The following DLGAP2 variants were observed in gnomAD, a reference collection of about 807,000 sequenced individuals.
DLGAP2 encodes DLG associated protein 2, also known as disks large-associated protein 2.
In DLGAP2, 26 loss-of-function variants were observed where a neutral mutation model predicts 100.3. The observed-to-expected ratio is 0.26, with a 90% confidence interval of 0.19 to 0.36. DLGAP2 has a LOEUF of 0.36. DLGAP2 is among the 10% of genes least tolerant of loss of function. The probability of loss-of-function intolerance (pLI) is 1.00; values close to 1 mark genes in which losing one functional copy is unlikely to be tolerated. For synonymous variants in DLGAP2, 886 were observed against 630.1 expected, an observed-to-expected ratio of 1.41 and a Z score of -6.08; for missense variants, 1,858 against 1,453.2, an observed-to-expected ratio of 1.28 and a Z score of -4.53.
At chr8:1,493,120 G>A (rs1799440072) in intron 3 of DLGAP2, among the ~76,000 whole-genome samples, 1 of 152,244 alleles carries the variant, frequency 6.6e-6, no homozygotes, top group Non-Finnish European at 1.5e-5. Flanking sequence ...CTCAAGCTGT[G>A]CAGGTAGAAC....
intron 2 of DLGAP2, among the ~76,000 whole-genome samples, chr8:1,068,280 G>C (rs757349834): frequency 1.3e-5 from 2 of 152,202 alleles, no homozygotes; most frequent in African/African-American, 4.8e-5. Flanking sequence ...GCAGGCTTTC[G>C]TGTGGATGTA....
chr8:862,668 C>G (rs551849633), intron 1 of DLGAP2, among the ~76,000 whole-genome samples: 1 of 152,254 alleles, frequency 6.6e-6, no homozygotes, highest in South Asian at 2.1e-4. Flanking sequence ...CCTCAGTTTT[C>G]TCACCTGTGA....
intron 4 of DLGAP2, among the ~76,000 whole-genome samples, chr8:1,529,686 T>A (rs1190109895): frequency 5.9e-5 from 9 of 152,124 alleles, no homozygotes; most frequent in Admixed American, 5.9e-4. Flanking sequence ...TGTGAAAAAA[T>A]GGCAAATAAT....
chr8:1,273,208 C>G (rs1563054996), intron 3 of DLGAP2, among the ~76,000 whole-genome samples: 2 of 152,320 alleles, frequency 1.3e-5, no homozygotes, highest in Non-Finnish European at 2.9e-5. Flanking sequence ...GGGGCCCTCC[C>G]ACCAGCCACA....
intron 6 of DLGAP2, among the ~76,000 whole-genome samples, chr8:1,570,329 C>T (rs1261967092): frequency 5.3e-5 from 8 of 152,224 alleles, no homozygotes; most frequent in South Asian, 2.1e-4. Flanking sequence ...ACCATGATGT[C>T]GTCTCTGCAT....
At chr8:1,114,360 C>T (rs2129046414) in intron 2 of DLGAP2, among the ~76,000 whole-genome samples, 2 of 152,192 alleles carry the variant, frequency 1.3e-5, no homozygotes, top group African/African-American at 4.8e-5. Flanking sequence ...CTATTCATTA[C>T]TGATTCAATT....
intron 1 of DLGAP2, among the ~76,000 whole-genome samples, chr8:770,318 C>G (rs763889809): frequency 6.6e-6 from 1 of 152,118 alleles, no homozygotes; most frequent in Non-Finnish European, 1.5e-5. Flanking sequence ...TGCTCCTCCT[C>G]CGTGTCCTCC....
At chr8:1,508,708 C>T (rs1302564598) in intron 4 of DLGAP2, among the ~76,000 whole-genome samples, 3 of 150,338 alleles carry the variant, frequency 2.0e-5, no homozygotes, top group Non-Finnish European at 4.4e-5. Flanking sequence ...TCCACAACTG[C>T]TGCGCACAGG....
At chr8:1,273,212 A>C (rs1799617155) in intron 3 of DLGAP2, among the ~76,000 whole-genome samples, 1 of 152,210 alleles carries the variant, frequency 6.6e-6, no homozygotes, top group South Asian at 2.1e-4. Flanking sequence ...CCCTCCCACC[A>C]GCCACAAACA....
At chr8:818,624 C>G (rs1796529641) in intron 1 of DLGAP2, among the ~76,000 whole-genome samples, 1 of 152,176 alleles carries the variant, frequency 6.6e-6, no homozygotes, top group African/African-American at 2.4e-5. Flanking sequence ...CGAGTGGGAG[C>G]TGCAAGTTAG....
At chr8:1,232,481 C>T (rs1283381833) in intron 2 of DLGAP2, among the ~76,000 whole-genome samples, 1 of 152,216 alleles carries the variant, frequency 6.6e-6, no homozygotes, top group Admixed American at 6.5e-5. Context: ...AGGATGCCTC[C>T]TCCGTCTCGA....
At chr8:1,099,472 G>A (rs934113207) in intron 2 of DLGAP2, among the ~76,000 whole-genome samples, 2 of 152,212 alleles carry the variant, frequency 1.3e-5, no homozygotes, top group East Asian at 1.9e-4. Context: ...AAGTAAACTC[G>A]GTGCCGACCT....
chr8:813,932 A>G (rs1425445561), intron 1 of DLGAP2, among the ~76,000 whole-genome samples: 1 of 152,192 alleles, frequency 6.6e-6, no homozygotes, highest in Non-Finnish European at 1.5e-5. Context: ...ATGAGGATGA[A>G]TAGATGATAA....
chr8:1,630,387 G>A (rs1797611557), intron 7 of DLGAP2, among the ~76,000 whole-genome samples: 1 of 152,152 alleles, frequency 6.6e-6, no homozygotes, highest in African/African-American at 2.4e-5. Flanking sequence ...TGTGAATTTG[G>A]TGACAAACCA....
intron 2 of DLGAP2, among the ~76,000 whole-genome samples, chr8:1,066,435 G>T (rs1349457471): frequency 7.1e-6 from 1 of 140,482 alleles, no homozygotes; most frequent in East Asian, 2.2e-4. Flanking sequence ...CTGAGTGAGG[G>T]CAGCTCCCCA....
At position 1,679,744 on chromosome 8, in the gene DLGAP2, G is replaced by A. The variant is rs182993840; in HGVS notation, c.2704+1115G>A. Among the ~76,000 whole-genome samples, 885 of 152,296 alleles carry A rather than the reference G, an allele frequency of 5.8e-3. 9 individuals are homozygous for A. Among genetic ancestry groups the A allele is most frequent in the African/African-American group, 0.02 (851 of 41,564 alleles). ...CGCCTGTAATTCCAGCACTTTAGGA[G>A]GCTGAGGCGGGTGGATGGCCTGAGG... On this transcript the variant is annotated intron_variant, in intron 12 of 14. Coordinates refer to ENST00000637795, the MANE Select transcript of DLGAP2 (RefSeq NM_001346810.2).
intron 3 of DLGAP2, among the ~76,000 whole-genome samples, chr8:1,364,282 G>T (rs1270682154): frequency 1.3e-5 from 2 of 152,206 alleles, no homozygotes; most frequent in African/African-American, 4.8e-5. Flanking sequence ...CAGAGGAGGG[G>T]TGCCCTGTGC....
chr8:1,027,447 G>C (rs1320861428), intron 2 of DLGAP2, among the ~76,000 whole-genome samples: 1 of 150,270 alleles, frequency 6.7e-6, no homozygotes, highest in Non-Finnish European at 1.5e-5. Context: ...GGTGCCAGGC[G>C]CTCGTTATTC....
At chr8:1,243,032 A>G (rs916936466) in intron 2 of DLGAP2, among the ~76,000 whole-genome samples, 2 of 152,168 alleles carry the variant, frequency 1.3e-5, no homozygotes, top group African/African-American at 2.4e-5. Flanking sequence ...CACCTTCCCT[A>G]GGCAAACTTG....
Sources: allele counts gnomAD v4.1 joint callset (sites outside exome capture counted in the v4.1 genomes callset), GRCh38; gene constraint gnomAD v4.1.1; transcripts MANE v1.5; gene names NCBI Gene and HGNC (gene_info 2026-07-23, HGNC 2026-07-21).